The following CYP2C19 variants were observed in gnomAD, a reference collection of about 807,000 sequenced individuals.
CYP2C19 encodes cytochrome P450 2C19.
CYP2C19 carries 59 observed loss-of-function variants against 40.9 expected under a neutral mutation model. The ratio of observed to expected loss-of-function variants is 1.44; its 90% CI spans 1.17 to 1.79. The LOEUF is 1.79. CYP2C19 is among the 40% of genes most tolerant of loss of function. The pLI is 0.00. For missense variants in CYP2C19, 754 were observed against 596.9 expected (o/e 1.26, Z -2.74); for synonymous variants, 253 against 208.7 (o/e 1.21, Z -1.83).
At position 94,848,115 on chromosome 10, in the gene CYP2C19, C is replaced by T. The variant is rs112479836; in HGVS notation, c.1150-1802C>T. On this transcript the variant is annotated intron_variant, in intron 7 of 8. Transcript: ENST00000371321. ...CATTTGTCAATTTTGGCTTTTGTTG[C>T]CATTGCTTTTGGTGTTTTAGACATG... is the stretch of plus-strand genomic sequence containing the variant. Among the ~76,000 whole-genome samples the T allele has an allele frequency of 3.1e-3, 475 of 152,224 alleles. 3 individuals are homozygous for T. Among genetic ancestry groups the T allele is most frequent in the African/African-American group, 0.011 (451 of 41,532 alleles).
chr10:94,822,673 G>C lies in CYP2C19; in HGVS notation c.961+2036G>C, dbSNP rs116961772. On this transcript the variant is annotated intron_variant, in intron 6 of 8. Coordinates refer to ENST00000371321, the MANE Select transcript of CYP2C19 (RefSeq NM_000769.4). ...ACTGCTTTCCACAGTGACTGAACTA[G>C]TTTGCATACCCACCAGCAGTGTAAA... 1.6e-3 allele frequency among the ~76,000 whole-genome samples: 240 copies of C among 152,266 alleles called. 1 individual carries two copies. The highest frequency in any genetic ancestry group is 2.7e-3 in the Non-Finnish European group (187 of 68,020).
At chr10:94,833,221 T>C (rs1393719733) in intron 6 of CYP2C19, among the ~76,000 whole-genome samples, 1 of 152,218 alleles carries the variant, frequency 6.6e-6, no homozygotes, top group Non-Finnish European at 1.5e-5. Flanking sequence ...TATTTTGACT[T>C]ATTCCTTTCT....
At chr10:94,817,712 G>T (rs1174393155) in intron 5 of CYP2C19, among the ~76,000 whole-genome samples, 1 of 152,004 alleles carries the variant, frequency 6.6e-6, no homozygotes, top group East Asian at 1.9e-4. Context: ...TATGGTTTTA[G>T]GTCTAACGTT....
intron 6 of CYP2C19, among the ~76,000 whole-genome samples, chr10:94,841,477 A>G (rs936275204): frequency 2.6e-5 from 4 of 152,162 alleles, no homozygotes; most frequent in African/African-American, 9.6e-5. Context: ...TGCAAGATTT[A>G]ATAGAGTGAA....
chr10:94,801,103 A>G lies in CYP2C19; in HGVS notation c.819+19106A>G, dbSNP rs112795533. On this transcript the variant is annotated intron_variant, in intron 5 of 8. Transcript: ENST00000371321. ...CAGAAATCACTTGTCTTCTGCCTCAATCATGCTGGGAGCTGCAGACCAGAG... is the reference window on the plus strand; with the variant it reads ...CAGAAATCACTTGTCTTCTGCCTCAGTCATGCTGGGAGCTGCAGACCAGAG... Among the ~76,000 whole-genome samples the G allele has an allele frequency of 3.1e-3, 473 of 152,242 alleles. 3 individuals carry two copies. The highest frequency in any genetic ancestry group is 0.011 in the African/African-American group (450 of 41,546).
chr10:94,800,816 C>T (rs1297317604), intron 5 of CYP2C19, among the ~76,000 whole-genome samples: 1 of 152,162 alleles, frequency 6.6e-6, no homozygotes, highest in Non-Finnish European at 1.5e-5. Context: ...GGCATGGGAC[C>T]CACTGAGCCA....
intron 6 of CYP2C19, among the ~76,000 whole-genome samples, chr10:94,835,942 C>A (rs924995813): frequency 6.6e-6 from 1 of 152,184 alleles, no homozygotes; most frequent in African/African-American, 2.4e-5. Context: ...AACGGAACTT[C>A]CATCAGTGTA....
At position 94,853,885 on chromosome 10, in the gene CYP2C19, A is replaced by G. The variant is rs2134296085; in HGVS notation, c.*971A>G. Among the ~76,000 whole-genome samples, 1 of 152,230 alleles carries G rather than the reference A, an allele frequency of 6.6e-6. No homozygotes were observed. The highest frequency in any genetic ancestry group is 1.9e-4 in the East Asian group (1 of 5,168). On this transcript the variant is annotated 3_prime_UTR_variant, in exon 9 of 9. Transcript: ENST00000371321. ...AGTGTCATTACTTTATCTCTAAATA[A>G]AGAATCAGGTTACTTTTATTACTTC...
In CYP2C19 at chr10:94,855,149, C is replaced by T. The variant is rs1165133645; in HGVS notation, c.*2235C>T. Among the ~76,000 whole-genome samples, 1 of 152,196 alleles carries T rather than the reference C, an allele frequency of 6.6e-6. No individual in the cohort carries two copies. Among genetic ancestry groups the T allele is most frequent in the African/African-American group, 2.4e-5 (1 of 41,460 alleles). On this transcript the variant is annotated 3_prime_UTR_variant, in exon 9 of 9. Transcript: ENST00000371321. ...CTTGCTTCTTTTGTTACATCTCCTA[C>T]TCCTACTACTCTTATTCTCTCTCCC...
chr10:94,838,793 G>A (rs1351267297), intron 6 of CYP2C19, among the ~76,000 whole-genome samples: 2 of 152,016 alleles, frequency 1.3e-5, no homozygotes, highest in African/African-American at 4.8e-5. Context: ...TGTACATATG[G>A]CACTTCACTC....
intron 6 of CYP2C19, among the ~76,000 whole-genome samples, chr10:94,829,686 C>T (rs1477187288): frequency 1.3e-5 from 2 of 152,010 alleles, no homozygotes; most frequent in African/African-American, 4.8e-5. Context: ...AGCTTTGTTC[C>T]GTTGCTGGTG....
rs1848426787 is a variant in CYP2C19, at chr10:94,777,674, C to T, written c.481+2135C>T. On this transcript the variant is annotated intron_variant, in intron 3 of 8. Transcript: ENST00000371321. ...ACTCAAGATGGATTGAAGACTTAAACATAAAACCTAAAACTATAAAAACCC... is the reference window on the plus strand; with the variant it reads ...ACTCAAGATGGATTGAAGACTTAAATATAAAACCTAAAACTATAAAAACCC... Among the ~76,000 whole-genome samples, 3 of 152,060 alleles carry T rather than the reference C, an allele frequency of 2.0e-5. No homozygotes were observed. In the South Asian group the frequency reaches 6.2e-4, roughly 31 times the overall value.
intron 5 of CYP2C19, among the ~76,000 whole-genome samples, chr10:94,801,881 C>T (rs953386897): frequency 1.3e-4 from 20 of 152,174 alleles, no homozygotes; most frequent in African/African-American, 4.8e-4. Context: ...AGAAATGAAG[C>T]TGTGGACCTT....
intron 1 of CYP2C19, 180 bp from the exon 2 acceptor site, chr10:94,774,878 G>A: frequency 1.5e-6 from 1 of 659,140 alleles, no homozygotes; most frequent in East Asian, 2.8e-5. Context: ...GAACATCATA[G>A]GCCATCTGAG....
At chr10:94,849,819 C>G (rs1849624992) in intron 7 of CYP2C19, 98 bp from the exon 8 acceptor site, 1 of 1,440,538 alleles carries the variant, frequency 6.9e-7, no homozygotes, top group African/African-American at 1.4e-5. Context: ...GGTGTTTCAT[C>G]ATCTGTACAT....
At chr10:94,798,214 G>T (rs557833876) in intron 5 of CYP2C19, among the ~76,000 whole-genome samples, 1 of 152,218 alleles carries the variant, frequency 6.6e-6, no homozygotes, top group African/African-American at 2.4e-5. Flanking sequence ...TGGTTTCAAA[G>T]AACATCTTTA....
chr10:94,794,695 C>A (rs1848657788), intron 5 of CYP2C19, among the ~76,000 whole-genome samples: 1 of 152,008 alleles, frequency 6.6e-6, no homozygotes, highest in African/African-American at 2.4e-5. Context: ...CATGATTTGG[C>A]TCTCTGTTTG....
chr10:94,771,629 G>A (rs1228465431), intron 1 of CYP2C19, among the ~76,000 whole-genome samples: 2 of 152,052 alleles, frequency 1.3e-5, no homozygotes, highest in African/African-American at 2.4e-5. Flanking sequence ...CATTTCAAGG[G>A]TGAGCCTGTT....
chr10:94,831,307 C>G (rs1267393766), intron 6 of CYP2C19, among the ~76,000 whole-genome samples: 3 of 152,152 alleles, frequency 2.0e-5, no homozygotes, highest in African/African-American at 4.8e-5. Context: ...GTTTCAAAGT[C>G]TTAGCCATTG....
Sources: gnomAD v4.1 joint callset for allele counts (sites outside exome capture counted in the v4.1 genomes callset) on GRCh38, gnomAD v4.1.1 for gene constraint, MANE v1.5 for transcripts, NCBI Gene and HGNC (gene_info 2026-07-23, HGNC 2026-07-21) for gene names.